Variants in PTPN11 observed in about 807,000 individuals in gnomAD.
PTPN11 encodes protein tyrosine phosphatase non-receptor type 11.
In PTPN11, 6 loss-of-function variants were observed where a neutral mutation model predicts 78.8. The observed-to-expected ratio is 0.08, with a 90% CI of 0.04 to 0.15. PTPN11 has a LOEUF of 0.15. PTPN11 is among the 10% of genes least tolerant of loss of function. The probability of loss-of-function intolerance (pLI) is 1.00; values close to 1 mark genes in which losing one functional copy is unlikely to be tolerated. For synonymous variants in PTPN11, 221 were observed against 263.5 expected (o/e 0.84, Z 1.56); for missense variants, 386 against 744.8 (o/e 0.52, Z 5.61).
intron 1 of PTPN11, among the ~76,000 whole-genome samples, chr12:112,440,719 G>T (rs1203726467): frequency 6.6e-6 from 1 of 150,636 alleles, no homozygotes; most frequent in Admixed American, 6.7e-5. Flanking sequence ...GATTACAGAT[G>T]TGTGCCACCA....
At chr12:112,419,691 T>C (rs2037490753) in intron 1 of PTPN11, among the ~76,000 whole-genome samples, 1 of 152,226 alleles carries the variant, frequency 6.6e-6, no homozygotes, top group Admixed American at 6.5e-5. Context: ...AAAAACTGAC[T>C]GTATCTGCAG....
chr12:112,450,998 A>G (rs558090244), intron 3 of PTPN11, among the ~76,000 whole-genome samples: 2 of 152,328 alleles, frequency 1.3e-5, no homozygotes, highest in East Asian at 3.9e-4. Flanking sequence ...TATCACCACA[A>G]TTATGTGAGA....
At chr12:112,464,975 G>A (rs2038303896) in intron 6 of PTPN11, among the ~76,000 whole-genome samples, 1 of 152,158 alleles carries the variant, frequency 6.6e-6, no homozygotes, top group Non-Finnish European at 1.5e-5. Flanking sequence ...AATATTTTTA[G>A]ATTTGTTGAA....
At chr12:112,471,454 A>AGAGAGAG in intron 6 of PTPN11, among the ~76,000 whole-genome samples, 1 of 126,356 alleles carries the variant, frequency 7.9e-6, no homozygotes, top group African/African-American at 3.0e-5. Flanking sequence ...GATAAACAGA[A>AGAGAGAG]AGAGAGAGAG....
intron 9 of PTPN11, among the ~76,000 whole-genome samples, chr12:112,480,774 GT>G (rs1213228632): frequency 1.3e-5 from 2 of 152,036 alleles, no homozygotes; most frequent in Admixed American, 6.6e-5. Context: ...CTTATTTCCA[GT>G]TTTATAGCTG....
intron 1 of PTPN11, among the ~76,000 whole-genome samples, chr12:112,419,729 A>C (rs1209098799): frequency 1.3e-5 from 2 of 152,192 alleles, no homozygotes; most frequent in Non-Finnish European, 2.9e-5. Context: ...TTCCTCTGCG[A>C]TCTTCGCTTT....
intron 13 of PTPN11, among the ~76,000 whole-genome samples, chr12:112,497,171 CAAAAAAA>C (rs59581934): frequency 1.4e-5 from 1 of 73,576 alleles, no homozygotes; most frequent in Admixed American, 1.4e-4. Context: ...GACTCTGTCT[CAAAAAAA>C]AAAAAAAAAA....
chr12:112,468,040 A>G (rs569103549), intron 6 of PTPN11, among the ~76,000 whole-genome samples: 78 of 152,298 alleles, frequency 5.1e-4, no homozygotes, highest in African/African-American at 1.8e-3. Context: ...GGTGTCTGTA[A>G]CTAGCCTCTG....
chr12:112,491,826 C>T (rs1349550060), intron 13 of PTPN11, among the ~76,000 whole-genome samples: 1 of 152,148 alleles, frequency 6.6e-6, no homozygotes, highest in Non-Finnish European at 1.5e-5. Context: ...CCACCTCAGC[C>T]TCTCGAGTAG....
At chr12:112,471,489 A>AGAGAGAGG (rs2038417127) in intron 6 of PTPN11, among the ~76,000 whole-genome samples, 1 of 148,972 alleles carries the variant, frequency 6.7e-6, no homozygotes. Context: ...AGAGAGAGAG[A>AGAGAGAGG]GACCCTGTCT....
intron 1 of PTPN11, among the ~76,000 whole-genome samples, chr12:112,420,590 C>T (rs986602554): frequency 6.6e-6 from 1 of 152,170 alleles, no homozygotes; most frequent in African/African-American, 2.4e-5. Flanking sequence ...GATCCGCCCG[C>T]CTTGGCCTCC....
chr12:112,501,453 C>A (rs568186598), intron 13 of PTPN11, among the ~76,000 whole-genome samples: 1 of 152,250 alleles, frequency 6.6e-6, no homozygotes, highest in East Asian at 1.9e-4. Flanking sequence ...GGTTAAGCCC[C>A]ATCTCTACTA....
chr12:112,434,749 T>TA (rs1034875075), intron 1 of PTPN11, among the ~76,000 whole-genome samples: 1 of 152,090 alleles, frequency 6.6e-6, no homozygotes, highest in Non-Finnish European at 1.5e-5. Flanking sequence ...CACATGAACA[T>TA]ACGTGTCAGT....
chr12:112,451,082 A>G (rs1446807436), intron 3 of PTPN11, among the ~76,000 whole-genome samples: 1 of 152,196 alleles, frequency 6.6e-6, no homozygotes, highest in Non-Finnish European at 1.5e-5. Flanking sequence ...TGATGAAAGC[A>G]TGGGCTTGAC....
intron 14 of PTPN11, among the ~76,000 whole-genome samples, chr12:112,503,971 G>C (rs1470009747): frequency 6.6e-6 from 1 of 152,062 alleles, no homozygotes; most frequent in African/African-American, 2.4e-5. Flanking sequence ...CCTGAGCTGG[G>C]GCTAAATAGA....
At chr12:112,483,970 G>A (rs1035252289) in intron 10 of PTPN11, among the ~76,000 whole-genome samples, 9 of 152,238 alleles carry the variant, frequency 5.9e-5, no homozygotes, top group African/African-American at 1.9e-4. Flanking sequence ...AGGGAGGCAA[G>A]GGTGGAGGTG....
At chr12:112,437,801 TG>T (rs1392187691) in intron 1 of PTPN11, among the ~76,000 whole-genome samples, 2 of 152,128 alleles carry the variant, frequency 1.3e-5, no homozygotes, top group African/African-American at 4.8e-5. Context: ...GTTCCTTAAT[TG>T]TTTTCCCTAT....
At chr12:112,433,530 T>C (rs947519305) in intron 1 of PTPN11, among the ~76,000 whole-genome samples, 2 of 152,250 alleles carry the variant, frequency 1.3e-5, no homozygotes, top group African/African-American at 4.8e-5. Flanking sequence ...TAAAAATGAT[T>C]GTAAAGGATA....
intron 7 of PTPN11, among the ~76,000 whole-genome samples, chr12:112,476,535 G>A (rs1176918842): frequency 6.6e-6 from 1 of 152,178 alleles, no homozygotes; most frequent in African/African-American, 2.4e-5. Flanking sequence ...TTGGGAGGCT[G>A]AGGTGGGCAG....
Sources: allele counts gnomAD v4.1 joint callset (sites outside exome capture counted in the v4.1 genomes callset), GRCh38; gene constraint gnomAD v4.1.1; transcripts MANE v1.5; gene names NCBI Gene and HGNC (gene_info 2026-07-23, HGNC 2026-07-21).